Variants in PWWP3A observed in about 807,000 individuals in gnomAD.
PWWP3A encodes the protein PWWP domain-containing DNA repair factor 3A.
In PWWP3A, 53 loss-of-function variants were observed where a neutral mutation model predicts 79.0. The ratio of observed to expected loss-of-function variants is 0.67; its 90% CI spans 0.54 to 0.84. The LOEUF is 0.84. Ranked by LOEUF, PWWP3A falls within the 40% of genes least tolerant of loss-of-function variation. PWWP3A has a pLI of 0.00. For synonymous variants in PWWP3A, 443 were observed against 394.4 expected (o/e 1.12, Z -1.46); for missense variants, 973 against 948.0 (o/e 1.03, Z -0.35).
intron 6 of PWWP3A, among the ~76,000 whole-genome samples, chr19:1,363,872 C>A (rs1392478869): frequency 2.6e-5 from 4 of 152,172 alleles, no homozygotes; most frequent in Non-Finnish European, 4.4e-5. Flanking sequence ...CACGGCACTT[C>A]CTTCCTTCCA....
At chr19:1,374,765 G>A (rs770402688) in intron 13 of PWWP3A, among the ~76,000 whole-genome samples, 1 of 152,112 alleles carries the variant, frequency 6.6e-6, no homozygotes, top group Non-Finnish European at 1.5e-5. Flanking sequence ...TTTTTAGTCA[G>A]TCACAGTGGC....
rs1455462422 is a variant in PWWP3A at position 1,370,893 on chromosome 19, T to G, written c.1801T>G (p.Trp601Gly). Residue 601 changes from tryptophan (W) to glycine (G), a missense_variant, in exon 12 of 14, where the codon TGG (tryptophan) becomes GGG (glycine). Trp to Gly is a radical substitution (Grantham distance 184). Coordinates refer to ENST00000591337, the MANE Select transcript of PWWP3A (RefSeq NM_001369789.1). ...AILKSRKPSR[W>G]LQTFLSSSQY... Reference sequence around the variant, plus strand: ...CCTAAAGAGCAGGAAGCCATCTCGCTGGCTGCAGACCTTCCTGAGCTCCAG... The same window carrying G: ...CCTAAAGAGCAGGAAGCCATCTCGCGGGCTGCAGACCTTCCTGAGCTCCAG... 1 of 1,555,846 alleles carries G rather than the reference T, an allele frequency of 6.4e-7. No individual in the cohort carries two copies. The highest frequency in any genetic ancestry group is 2.4e-5 in the East Asian group (1 of 41,400).
Position 1,360,929 on chromosome 19 carries a change from T to C in PWWP3A, c.1008T>C (p.Ser336=). 2 of 1,534,106 alleles carry C rather than the reference T, an allele frequency of 1.3e-6. No homozygotes were observed. Among genetic ancestry groups the C allele is most frequent in the South Asian group, 2.4e-5 (2 of 82,054 alleles). Residue 336 remains serine (S), a synonymous_variant, in exon 5 of 14, where the codon TCT becomes TCC. Transcript: ENST00000591337. This position sits in a 1 kb window ranked among gnomAD's most constrained non-coding sequence, Gnocchi z 4.4. ...SPGPGPGPRE[S]VTPRSTARLG... ...GGCCGGGGCCAGGGCCCAGAGAGTC[T>C]GTGACCCCGCGCAGCACCGCCAGGC...
chr19:1,370,615 G>C (rs776086165), intron 11 of PWWP3A, 27 bp from the exon 12 acceptor site: 37 of 1,442,034 alleles, frequency 2.6e-5, no homozygotes, highest in Non-Finnish European at 1.3e-5. Context: ...CCACGCGCTG[G>C]TCCCACGACA....
chr19:1,361,226 A>G (rs1205870699), intron 5 of PWWP3A, among the ~76,000 whole-genome samples, 194 bp downstream of exon 5: 1 of 152,144 alleles, frequency 6.6e-6, no homozygotes, highest in African/African-American at 2.4e-5. Flanking sequence ...CAACTTCTAA[A>G]TATTTGTCTT....
At position 1,370,810 on chromosome 19, in the gene PWWP3A, A is replaced by G; in HGVS notation, c.1718A>G (p.Gln573Arg). ...RSRAARDRAN[Q>R]KLVEYIVKAK... ...CGGGCCGCCCGGGACCGGGCCAACC[A>G]GAAGCTGGTGGAGTACATTGTGAAG... The change falls in exon 12 of 14, where the codon CAG (glutamine) becomes CGG (arginine). Residue 573 changes from glutamine (Q) to arginine (R), a missense_variant. Gln to Arg is a conservative substitution (Grantham distance 43). Coordinates refer to ENST00000591337, the MANE Select transcript of PWWP3A (RefSeq NM_001369789.1). 6.4e-7 allele frequency: 1 copy of G among 1,566,220 alleles called. No homozygotes were observed. Among genetic ancestry groups the G allele is most frequent in the South Asian group, 1.2e-5 (1 of 85,572 alleles).
Position 1,368,193 on chromosome 19 carries a change from G to A in PWWP3A, c.1422+973G>A, listed in dbSNP as rs1309495145. Among the ~76,000 whole-genome samples the A allele has an allele frequency of 1.3e-5, 2 of 152,178 alleles. No individual in the cohort carries two copies. Among genetic ancestry groups the A allele is most frequent in the African/African-American group, 4.8e-5 (2 of 41,440 alleles). ...CTGCCTCAGCCTCTCAAAGTGCTGG[G>A]ATTACAGGTGTGAGCCACTGCGCCC... On this transcript the variant is annotated intron_variant, in intron 9 of 13. Coordinates refer to ENST00000591337, the MANE Select transcript of PWWP3A (RefSeq NM_001369789.1). This position sits in a 1 kb window ranked among gnomAD's most constrained non-coding sequence, Gnocchi z 4.7.
chr19:1,356,616 C>T (rs909142463), intron 2 of PWWP3A, among the ~76,000 whole-genome samples, 167 bp downstream of exon 2: 1 of 151,248 alleles, frequency 6.6e-6, no homozygotes, highest in Non-Finnish European at 1.5e-5. Context: ...TCTAGTGCTT[C>T]CAAGGTTACA....
At chr19:1,364,979 G>T (rs1014395838) in intron 7 of PWWP3A, among the ~76,000 whole-genome samples, 1 of 152,158 alleles carries the variant, frequency 6.6e-6, no homozygotes, top group Non-Finnish European at 1.5e-5. Flanking sequence ...AATTAGCCGG[G>T]CGTGGTGGCG....
rs775419003 is a variant in PWWP3A at position 1,362,339 on chromosome 19, C to T, written c.1201C>T (p.Leu401Phe). ...DEEDEEPPRV[L>F]LYHEPRSFEV... ...GGAAGACGAGGAGCCACCAAGAGTC[C>T]TTTTATACCACGGTAAGAAATGATC... is the stretch of plus-strand genomic sequence containing the variant. The change falls in exon 6 of 14, where the codon CTT becomes TTT. Residue 401 changes from leucine to phenylalanine, a missense_variant. Transcript: ENST00000591337. The T allele has an allele frequency of 4.3e-6, 7 of 1,613,812 alleles. No individual in the cohort carries two copies. The African/African-American group carries it at 6.7e-5, about 15-fold the overall frequency.
chr19:1,358,761 T>C (rs2081943441), intron 4 of PWWP3A: 1 of 1,137,520 alleles, frequency 8.8e-7, no homozygotes, highest in Non-Finnish European at 1.2e-6. Context: ...AGGAAGGACT[T>C]TGCTGCCATA....
chr19:1,367,119 G>T (rs1186401125), intron 8 of PWWP3A, 41 bp from the exon 9 acceptor site: 1 of 1,531,102 alleles, frequency 6.5e-7, no homozygotes, highest in Non-Finnish European at 9.0e-7. Flanking sequence ...CTTATTAGAG[G>T]AAGTTCATTC....
chr19:1,372,983 C>G (rs1207325318), intron 12 of PWWP3A, 89 bp from the exon 13 acceptor site: 3 of 1,098,178 alleles, frequency 2.7e-6, no homozygotes, highest in Admixed American at 2.0e-5. Flanking sequence ...AACCTGGTGA[C>G]CCAGGCTCCC....
chr19:1,369,238 ACGC>A lies in PWWP3A; in HGVS notation c.1423-25_1423-23del. 1 of 1,612,842 alleles carries A rather than the reference ACGC, an allele frequency of 6.2e-7. No individual in the cohort carries two copies. Among genetic ancestry groups the A allele is most frequent in the Non-Finnish European group, 8.5e-7 (1 of 1,179,216 alleles). On this transcript the variant is annotated intron_variant, in intron 9 of 13. Transcript: ENST00000591337. This position sits in a 1 kb window ranked among gnomAD's most constrained non-coding sequence, Gnocchi z 4.0. ...GGGTGCTTGGCACTGCCTCCCACTG[ACGC>A]CTGCTGCCCGGATCTCATTGTAGAA...
Position 1,369,947 on chromosome 19 carries a change from A to G in PWWP3A, c.1549+301A>G, listed in dbSNP as rs2082215433. The stretch of plus-strand genomic sequence containing the variant: ...ACACATCAGATGTTGTGAAGAATGT[A>G]GGCCAGGTGCGGAGGCTCACACCTG... On this transcript the variant is annotated intron_variant, in intron 11 of 13. Transcript: ENST00000591337. The surrounding 1 kb of genome is among the most constrained non-coding windows in gnomAD (Gnocchi z 4.0). Among the ~76,000 whole-genome samples, 1 of 152,196 alleles carries G rather than the reference A, an allele frequency of 6.6e-6. No individual in the cohort carries two copies. Among genetic ancestry groups the G allele is most frequent in the Admixed American group, 6.5e-5 (1 of 15,282 alleles).
Position 1,367,129 on chromosome 19 carries a change from C to T in PWWP3A, c.1362-31C>T, listed in dbSNP as rs1476356977. 3.2e-6 allele frequency: 5 copies of T among 1,578,332 alleles called. No homozygotes were observed. In the East Asian group the frequency reaches 6.7e-5, roughly 21 times the overall value. ...TTTAGCTTATTAGAGGAAGTTCATT[C>T]ATGTTAACTTTTCCCTCTCTCTGCT... On this transcript the variant is annotated intron_variant, in intron 8 of 13. Transcript: ENST00000591337.
At chr19:1,356,857 C>G in intron 2 of PWWP3A, 152 bp from the exon 3 acceptor site, 1 of 643,584 alleles carries the variant, frequency 1.6e-6, no homozygotes, top group Non-Finnish European at 2.7e-6. Context: ...CTCAGTTTCC[C>G]CATCTGTGAA....
At chr19:1,364,317 G>A in intron 6 of PWWP3A, 192 bp from the exon 7 acceptor site, 1 of 691,186 alleles carries the variant, frequency 1.4e-6, no homozygotes, top group Non-Finnish European at 2.7e-6. Context: ...ATCATTGGTG[G>A]TTAGACTCAA....
Position 1,369,288 on chromosome 19 carries a change from C to T in PWWP3A, c.1446C>T (p.Asn482=). The change falls in exon 10 of 14, where the codon AAC becomes AAT. Residue 482 remains asparagine (N), a synonymous_variant. Coordinates refer to ENST00000591337, the MANE Select transcript of PWWP3A (RefSeq NM_001369789.1). This position sits in a 1 kb window ranked among gnomAD's most constrained non-coding sequence, Gnocchi z 4.0. Reference sequence around the variant, plus strand: ...AGAATCAAGCCAGGGAGGACTTCAACCAGGACATCGGCTGGTGTGTCTCCC... The same window carrying T: ...AGAATCAAGCCAGGGAGGACTTCAATCAGGACATCGGCTGGTGTGTCTCCC... ...TLLNQAREDF[N]QDIGWCVSLI... 2 of 1,614,152 alleles carry T rather than the reference C, an allele frequency of 1.2e-6. No individual in the cohort carries two copies. The highest frequency in any genetic ancestry group is 1.7e-6 in the Non-Finnish European group (2 of 1,180,010).
Sources: allele counts gnomAD v4.1 joint callset (sites outside exome capture counted in the v4.1 genomes callset), GRCh38; gene constraint gnomAD v4.1.1; non-coding constraint Gnocchi (gnomAD v3.1); transcripts MANE v1.5; gene names NCBI Gene and HGNC (gene_info 2026-07-23, HGNC 2026-07-21).